The following IL1RAPL2 variants were observed in gnomAD, a reference collection of about 807,000 sequenced individuals.
IL1RAPL2 encodes the protein interleukin 1 receptor accessory protein like 2.
In IL1RAPL2, 3 loss-of-function variants were observed where a neutral mutation model predicts 44.1. The observed-to-expected ratio is 0.07, with a 90% confidence interval of 0.03 to 0.18. IL1RAPL2 has a LOEUF of 0.18. IL1RAPL2 is among the 10% of genes least tolerant of loss of function. The probability of loss-of-function intolerance (pLI) is 1.00; values close to 1 mark genes in which losing one functional copy is unlikely to be tolerated. For missense variants in IL1RAPL2, 391 were observed against 496.4 expected, an observed-to-expected ratio of 0.79 and a Z score of 2.02; for synonymous variants, 181 against 178.8, an observed-to-expected ratio of 1.01 and a Z score of -0.10.
rs1485683416 is a variant in IL1RAPL2, at chrX:104,821,074, G to A, written c.82+162079G>A. 8.1e-5 allele frequency among the ~76,000 whole-genome samples: 9 copies of A among 111,682 alleles called. No homozygotes were observed. The East Asian group carries it at 2.5e-3, about 32-fold the overall frequency. On this transcript the variant is annotated intron_variant, in intron 2 of 10. Coordinates refer to ENST00000372582, the MANE Select transcript of IL1RAPL2 (RefSeq NM_017416.2). The stretch of plus-strand genomic sequence containing the variant: ...AGGTCCCAAGTTTCCCAATTAACTT[G>A]TCTCCAATTCTTATGTATTCTGTTC...
intron 5 of IL1RAPL2, among the ~76,000 whole-genome samples, chrX:105,385,886 T>C (rs1390820298): frequency 9.0e-6 from 1 of 111,583 alleles, no homozygotes; most frequent in East Asian, 2.8e-4. Flanking sequence ...AGAGAGAGGA[T>C]AGAACGTAGA....
At chrX:105,489,796 TCTCTC>T (rs1569447175) in intron 6 of IL1RAPL2, among the ~76,000 whole-genome samples, 3 of 99,296 alleles carry the variant, frequency 3.0e-5, no homozygotes, top group African/African-American at 1.1e-4. Context: ...TTTCTCTCTC[TCTCTC>T]TCTCTCTCTC....
At chrX:105,386,348 G>A (rs2035476296) in intron 5 of IL1RAPL2, among the ~76,000 whole-genome samples, 2 of 111,470 alleles carry the variant, frequency 1.8e-5, no homozygotes, top group Admixed American at 1.9e-4. Context: ...GAAAAGTGCA[G>A]GTTTGTTTGA....
Position 105,156,554 on chromosome X carries a change from C to T in IL1RAPL2, c.83-38921C>T, listed in dbSNP as rs2033270137. On this transcript the variant is annotated intron_variant, in intron 2 of 10. Transcript: ENST00000372582. ...CCATCTGCATATTTTAGCAACACTA[C>T]ACAAAGTGAATGTATTGGCACAAAT... Among the ~76,000 whole-genome samples, 3 of 112,536 alleles carry T rather than the reference C, an allele frequency of 2.7e-5. No individual in the cohort carries two copies. In the South Asian group the frequency reaches 1.1e-3, roughly 41 times the overall value.
chrX:105,147,751 C>T (rs2147587155), intron 2 of IL1RAPL2, among the ~76,000 whole-genome samples: 1 of 111,785 alleles, frequency 8.9e-6, no homozygotes, highest in African/African-American at 3.2e-5. Context: ...TGTTTATGGA[C>T]ATCTACATTG....
At chrX:105,121,299 C>CT (rs1439855204) in intron 2 of IL1RAPL2, among the ~76,000 whole-genome samples, 1 of 111,775 alleles carries the variant, frequency 8.9e-6, no homozygotes, top group East Asian at 2.8e-4. Context: ...AATAAATTAA[C>CT]TTGAATAAAA....
intron 2 of IL1RAPL2, among the ~76,000 whole-genome samples, chrX:105,002,942 C>G (rs1444278563): frequency 5.4e-5 from 6 of 110,888 alleles, no homozygotes; most frequent in African/African-American, 2.0e-4. Context: ...TTTTCATGTA[C>G]CAGAGAGTTG....
chrX:105,578,124 G>A lies in IL1RAPL2; in HGVS notation c.772+93737G>A, dbSNP rs190634459. ...TCAATTCCCATCTATGAGTGAGAACGTGCGGTGTTTGGTTTTTTGTCCAAT... is the reference window on the plus strand; with the variant it reads ...TCAATTCCCATCTATGAGTGAGAACATGCGGTGTTTGGTTTTTTGTCCAAT... On this transcript the variant is annotated intron_variant, in intron 6 of 10. Coordinates refer to ENST00000372582, the MANE Select transcript of IL1RAPL2 (RefSeq NM_017416.2). Among the ~76,000 whole-genome samples, 590 of 102,169 alleles carry A rather than the reference G, an allele frequency of 5.8e-3. 9 individuals carry two copies. The highest frequency in any genetic ancestry group is 0.02 in the African/African-American group (551 of 27,719). The allele number at this position is 102,169 out of a possible 115,157, so 88.7% of individuals were successfully genotyped here.
At chrX:104,957,394 C>T (rs1265084735) in intron 2 of IL1RAPL2, among the ~76,000 whole-genome samples, 2 of 111,676 alleles carry the variant, frequency 1.8e-5, no homozygotes, top group South Asian at 3.8e-4. Flanking sequence ...GGCAGGGACA[C>T]CCATGCTGAA....
At chrX:104,703,369 G>T (rs767177887) in intron 2 of IL1RAPL2, among the ~76,000 whole-genome samples, 1 of 111,656 alleles carries the variant, frequency 9.0e-6, no homozygotes, top group East Asian at 2.8e-4. Context: ...CCTTATGCTT[G>T]GTCCTGTGCT....
chrX:105,023,274 AG>A (rs1257604252), intron 2 of IL1RAPL2, among the ~76,000 whole-genome samples: 9 of 110,654 alleles, frequency 8.1e-5, no homozygotes, highest in Non-Finnish European at 1.1e-4. Context: ...ATGTCATTTC[AG>A]GGGTCTGAAA....
At chrX:105,574,602 G>T (rs2037038084) in intron 6 of IL1RAPL2, among the ~76,000 whole-genome samples, 1 of 112,056 alleles carries the variant, frequency 8.9e-6, no homozygotes, top group Non-Finnish European at 1.9e-5. Context: ...AGAGGAACAT[G>T]TTTTAATTTT....
At chrX:105,540,770 AAT>A (rs1192923957) in intron 6 of IL1RAPL2, among the ~76,000 whole-genome samples, 9 of 82,127 alleles carry the variant, frequency 1.1e-4, no homozygotes, top group East Asian at 3.7e-4. Flanking sequence ...TGCTTCTTGG[AAT>A]ATATATATAT....
chrX:105,231,660 T>TAAAC (rs782698396), intron 3 of IL1RAPL2, among the ~76,000 whole-genome samples: 1 of 112,029 alleles, frequency 8.9e-6, no homozygotes, highest in Non-Finnish European at 1.9e-5. Flanking sequence ...CTTTAACAAA[T>TAAAC]AAACAAATAT....
chrX:105,114,642 C>T (rs964504892), intron 2 of IL1RAPL2, among the ~76,000 whole-genome samples: 15 of 111,927 alleles, frequency 1.3e-4, no homozygotes, highest in East Asian at 2.8e-4. Flanking sequence ...TGCCCTACAA[C>T]GGGAAATCCT....
chrX:105,208,526 T>A (rs781964457), intron 3 of IL1RAPL2, among the ~76,000 whole-genome samples: 1 of 111,266 alleles, frequency 9.0e-6, no homozygotes, highest in South Asian at 3.8e-4. Flanking sequence ...GATGGCTCAT[T>A]AATATTCGAT....
chrX:105,508,073 T>C (rs2036443690), intron 6 of IL1RAPL2, among the ~76,000 whole-genome samples: 1 of 111,575 alleles, frequency 9.0e-6, no homozygotes, highest in African/African-American at 3.3e-5. Flanking sequence ...CTCTGTTCCA[T>C]TGCAATGTAT....
intron 6 of IL1RAPL2, among the ~76,000 whole-genome samples, chrX:105,691,474 A>G (rs2038035128): frequency 8.9e-6 from 1 of 111,894 alleles, no homozygotes; most frequent in Non-Finnish European, 1.9e-5. Flanking sequence ...TAGTCATACC[A>G]CAAGACCAAA....
intron 2 of IL1RAPL2, among the ~76,000 whole-genome samples, chrX:104,819,149 A>G (rs1287857484): frequency 1.8e-5 from 2 of 112,470 alleles, no homozygotes; most frequent in African/African-American, 6.5e-5. Flanking sequence ...ACATACACAG[A>G]TGCTTCTCAA....
Sources: allele counts gnomAD v4.1 joint callset (sites outside exome capture counted in the v4.1 genomes callset), GRCh38; gene constraint gnomAD v4.1.1; transcripts MANE v1.5; gene names NCBI Gene and HGNC (gene_info 2026-07-23, HGNC 2026-07-21).